The following ST7 variants were observed in gnomAD, a reference collection of about 807,000 sequenced individuals.
ST7 encodes suppression of tumorigenicity 7.
ST7 carries 28 observed loss-of-function variants against 78.7 expected under a neutral mutation model. The observed-to-expected ratio is 0.36, with a 90% confidence interval of 0.26 to 0.49. The LOEUF is 0.49. Among genes scored for constraint, ST7 ranks in the 20% least tolerant of loss-of-function variants. The pLI is 0.99. For missense variants in ST7, 418 were observed against 696.0 expected (o/e 0.60, Z 4.49); for synonymous variants, 247 against 249.6 (o/e 0.99, Z 0.10).
chr7:117,197,917 CACAA>C (rs975657406), intron 12 of ST7, among the ~76,000 whole-genome samples: 3 of 152,058 alleles, frequency 2.0e-5, no homozygotes, highest in Admixed American at 6.6e-5. Flanking sequence ...ACCTAATCTC[CACAA>C]ACAAACAAAA....
At chr7:116,957,861 A>C (rs1792593785) in intron 1 of ST7, among the ~76,000 whole-genome samples, 1 of 152,246 alleles carries the variant, frequency 6.6e-6, no homozygotes, top group African/African-American at 2.4e-5. Context: ...GTTTTTGCAA[A>C]AAGCAGCATA....
intron 9 of ST7, among the ~76,000 whole-genome samples, chr7:117,160,391 G>A (rs1028163901): frequency 6.8e-4 from 103 of 152,072 alleles, no homozygotes; most frequent in African/African-American, 2.4e-3. Context: ...GGAGCTAGGT[G>A]TTATCCCCGT....
chr7:117,136,502 A>G, intron 8 of ST7: 1 of 563,866 alleles, frequency 1.8e-6, no homozygotes, highest in Non-Finnish European at 3.1e-6. Flanking sequence ...TTTAATAGTA[A>G]CCTTTTTTCC....
At chr7:117,168,264 A>T (rs1340219404) in intron 9 of ST7, among the ~76,000 whole-genome samples, 1 of 152,200 alleles carries the variant, frequency 6.6e-6, no homozygotes, top group Admixed American at 6.5e-5. Flanking sequence ...GTGAGACCTC[A>T]TGTTTGCGTA....
At chr7:117,036,776 A>G (rs775084276) in intron 1 of ST7, among the ~76,000 whole-genome samples, 1 of 152,160 alleles carries the variant, frequency 6.6e-6, no homozygotes, top group Non-Finnish European at 1.5e-5. Flanking sequence ...ACTTGGTATT[A>G]TGAGATATTT....
intron 1 of ST7, among the ~76,000 whole-genome samples, chr7:117,000,840 T>C (rs1339593594): frequency 2.6e-5 from 4 of 152,224 alleles, no homozygotes; most frequent in East Asian, 1.9e-4. Flanking sequence ...AACACCCTCA[T>C]TGAGAAGTAT....
chr7:117,101,219 G>C (rs543899041), intron 2 of ST7, among the ~76,000 whole-genome samples: 1 of 152,318 alleles, frequency 6.6e-6, no homozygotes, highest in Admixed American at 6.5e-5. Context: ...GATGTTTAAA[G>C]TTGGTGTTAA....
At chr7:117,209,741 A>G in intron 12 of ST7, 46 bp from the exon 13 acceptor site, 1 of 1,585,752 alleles carries the variant, frequency 6.3e-7, no homozygotes, top group Non-Finnish European at 8.6e-7. Flanking sequence ...CTGAATTCTA[A>G]ATTACTTAGG....
rs138559885 is a variant in ST7 at position 117,218,900 on chromosome 7, A to ATG, written c.1406-179_1406-178dup. On this transcript the variant is annotated intron_variant, in intron 13 of 15. Transcript: ENST00000323984. ...GCTCAGAATATATAGTGTGAGATGA[A>ATG]TGTGTGAGTAATCCATCACAATTTA... is the stretch of plus-strand genomic sequence containing the variant. 1,363 of 567,378 alleles carry ATG rather than the reference A, an allele frequency of 2.4e-3. 11 individuals are homozygous for ATG. The highest frequency in any genetic ancestry group is 0.021 in the African/African-American group (1,130 of 52,600). The allele number at this position is 567,378 out of a possible 1,614,324, so 35.1% of individuals were successfully genotyped here. A position where few individuals can be genotyped will look rare whatever the true frequency, so the allele number is the denominator to read the frequency against.
At chr7:117,069,708 G>T (rs1798829222) in intron 1 of ST7, among the ~76,000 whole-genome samples, 1 of 152,178 alleles carries the variant, frequency 6.6e-6, no homozygotes, top group South Asian at 2.1e-4. Flanking sequence ...AACCCACCAG[G>T]TGCATGTAGA....
At chr7:117,171,925 A>G (rs1200452326) in intron 10 of ST7, among the ~76,000 whole-genome samples, 1 of 151,438 alleles carries the variant, frequency 6.6e-6, no homozygotes, top group Non-Finnish European at 1.5e-5. Flanking sequence ...AAACATACAG[A>G]GCAAACTATA....
At position 117,130,497 on chromosome 7, in the gene ST7, T is replaced by C. The variant is rs1563105555; in HGVS notation, c.456T>C (p.Thr152=). 1.2e-6 allele frequency: 2 copies of C among 1,609,426 alleles called. No individual in the cohort carries two copies. The highest frequency in any genetic ancestry group is 1.7e-6 in the Non-Finnish European group (2 of 1,177,234). The part of the protein sequence containing the change: ...LFRGAEYNRY[T]WVTGREPLTY... ...TCTTATTTCTCCTTTGCAGGTATAC[T>C]TGGGTGACAGGACGAGAGCCTCTTA... is the stretch of plus-strand genomic sequence containing the variant. The change falls in exon 5 of 16, where the codon ACT becomes ACC. Residue 152 remains threonine (T), a synonymous_variant. Coordinates refer to ENST00000323984, the MANE Select transcript of ST7 (RefSeq NM_001369598.1).
At chr7:117,019,458 A>G (rs1795771656) in intron 1 of ST7, among the ~76,000 whole-genome samples, 1 of 152,194 alleles carries the variant, frequency 6.6e-6, no homozygotes, top group Non-Finnish European at 1.5e-5. Context: ...TGGGTTGGTC[A>G]CAAATGCTTA....
chr7:117,223,883 C>T, intron 15 of ST7: 1 of 920,842 alleles, frequency 1.1e-6, no homozygotes, highest in East Asian at 1.2e-4. Context: ...AGTAGGTTTT[C>T]AATAAATGAT....
chr7:117,016,010 A>T lies in ST7; in HGVS notation c.151+62319A>T, dbSNP rs115387243. Among the ~76,000 whole-genome samples the T allele has an allele frequency of 8.7e-3, 1,322 of 152,248 alleles. 26 individuals are homozygous for T. Among genetic ancestry groups the T allele is most frequent in the African/African-American group, 0.029 (1,215 of 41,528 alleles). ...CAGTTAATTACAGTGTGCAAATAAA[A>T]GTTTTGTGAAATTGCTCATTTAAAA... On this transcript the variant is annotated intron_variant, in intron 1 of 15. Coordinates refer to ENST00000323984, the MANE Select transcript of ST7 (RefSeq NM_001369598.1).
chr7:117,221,889 A>T, intron 14 of ST7, 34 bp from the exon 15 acceptor site: 1 of 1,584,968 alleles, frequency 6.3e-7, no homozygotes, highest in Non-Finnish European at 8.6e-7. Flanking sequence ...AGTTTACTCC[A>T]GCCCTGATAT....
intron 9 of ST7, among the ~76,000 whole-genome samples, chr7:117,142,707 G>A (rs1034087675): frequency 6.6e-6 from 1 of 152,090 alleles, no homozygotes; most frequent in South Asian, 2.1e-4. Flanking sequence ...CACCTCCTGG[G>A]TTCAAGCGAT....
In ST7 at chr7:117,048,597, C is replaced by T. The variant is rs866016512; in HGVS notation, c.152-51165C>T. Among the ~76,000 whole-genome samples, 49 of 152,254 alleles carry T rather than the reference C, an allele frequency of 3.2e-4. No homozygotes were observed. In the Middle Eastern group the frequency reaches 0.01, roughly 32 times the overall value. The stretch of plus-strand genomic sequence containing the variant: ...CATATCTTGAAACCCTTTACCCACC[C>T]CACCCCACCTGCTCCTTTTTGCCAT... On this transcript the variant is annotated intron_variant, in intron 1 of 15. Transcript: ENST00000323984.
At chr7:116,966,168 T>A (rs1255581231) in intron 1 of ST7, 1 of 412,998 alleles carries the variant, frequency 2.4e-6, no homozygotes, top group Non-Finnish European at 5.0e-6. Flanking sequence ...TAAGACAGTA[T>A]CTTTTTTAGT....
Sources: gnomAD v4.1 joint callset for allele counts (sites outside exome capture counted in the v4.1 genomes callset) on GRCh38, gnomAD v4.1.1 for gene constraint, MANE v1.5 for transcripts, NCBI Gene and HGNC (gene_info 2026-07-23, HGNC 2026-07-21) for gene names.